SHPK: variants seen among roughly 807,000 people sequenced by gnomAD.
SHPK encodes carbohydrate kinase-like protein.
In SHPK, 51 loss-of-function variants were observed where a neutral mutation model predicts 46.3. That is an observed-to-expected ratio of 1.10 (90% CI 0.88 to 1.39). The LOEUF (loss-of-function observed/expected upper bound fraction) is 1.39, where lower values mean the gene tolerates loss of function less well. Ranked by LOEUF, SHPK falls within the 40% of genes most tolerant of loss-of-function variation. The probability of loss-of-function intolerance (pLI) is 0.00; values close to 1 mark genes in which losing one functional copy is unlikely to be tolerated. For synonymous variants in SHPK, 290 were observed against 273.9 expected, an observed-to-expected ratio of 1.06 and a Z score of -0.58; for missense variants, 668 against 641.3, an observed-to-expected ratio of 1.04 and a Z score of -0.45.
At chr17:3,626,316 A>C (rs1343846967) in intron 2 of SHPK, among the ~76,000 whole-genome samples, 1 of 152,092 alleles carries the variant, frequency 6.6e-6, no homozygotes, top group Non-Finnish European at 1.5e-5. Context: ...CAATTATAGG[A>C]AATTTTTCTC....
rs529792629 is a variant in SHPK at position 3,616,186 on chromosome 17, C to T, written c.824-649G>A. ...CCTTTCAAGAGGTAGAACCTGATTC[C>T]CCTCCACGTGAGAGTGGGCTGGACT... On this transcript the variant is annotated intron_variant, in intron 5 of 6. Transcript: ENST00000225519. Among the ~76,000 whole-genome samples, 7 of 152,262 alleles carry T rather than the reference C, an allele frequency of 4.6e-5. No homozygotes were observed. The South Asian group carries it at 8.3e-4, about 18-fold the overall frequency.
At chr17:3,629,011 T>C (rs1380882539) in intron 2 of SHPK, among the ~76,000 whole-genome samples, 1 of 152,146 alleles carries the variant, frequency 6.6e-6, no homozygotes. Flanking sequence ...TGCAGGAGCC[T>C]CATCCTTGGG....
intron 5 of SHPK, among the ~76,000 whole-genome samples, chr17:3,616,054 A>G (rs1486927142): frequency 6.6e-6 from 1 of 151,972 alleles, no homozygotes; most frequent in Non-Finnish European, 1.5e-5. Context: ...GGGTTTCACC[A>G]TCTTGGCCAG....
rs1198461849 is a variant in SHPK, at chr17:3,610,938, G to A, written c.1059C>T (p.Arg353=). 1 of 1,613,084 alleles carries A rather than the reference G, an allele frequency of 6.2e-7. No homozygotes were observed. The highest frequency in any genetic ancestry group is 2.2e-5 in the East Asian group (1 of 44,840). ...TCTGCTGCACAGCTGCCTGAATCAT[G>A]CGTGAATACACAGTGGATTCTTCAA... ...LEVEESTVYS[R]MIQAAVQQRD... is the part of the protein sequence containing the mutation. The change falls in exon 7 of 7, where the codon CGC becomes CGT. Residue 353 remains arginine (R), a synonymous_variant. Coordinates refer to ENST00000225519, the MANE Select transcript of SHPK (RefSeq NM_013276.4).
chr17:3,621,530 T>C, intron 4 of SHPK, 118 bp from the exon 5 acceptor site: 1 of 882,632 alleles, frequency 1.1e-6, no homozygotes, highest in South Asian at 1.8e-5. Flanking sequence ...TTCCTTTCCT[T>C]TCCTCCCTCC....
chr17:3,619,213 CTAAGA>C, intron 5 of SHPK: 2 of 537,168 alleles, frequency 3.7e-6, no homozygotes, highest in Admixed American at 3.0e-5. Context: ...TACGTTGCAG[CTAAGA>C]TGTGTGTAAG....
chr17:3,610,517 C>A lies in SHPK; in HGVS notation c.*43G>T, dbSNP rs763193752. The A allele has an allele frequency of 4.5e-6, 7 of 1,541,990 alleles. No homozygotes were observed. Among genetic ancestry groups the A allele is most frequent in the African/African-American group, 4.1e-5 (3 of 73,800 alleles). ...CACAGATGGTGTCAGGAATGTTAAT[C>A]AGGTAAAATTCACAGCAGTCGTTTG... On this transcript the variant is annotated 3_prime_UTR_variant, in exon 7 of 7. Transcript: ENST00000225519.
At chr17:3,620,100 C>G (rs903885400) in intron 5 of SHPK, among the ~76,000 whole-genome samples, 1 of 152,178 alleles carries the variant, frequency 6.6e-6, no homozygotes, top group Non-Finnish European at 1.5e-5. Flanking sequence ...TCCTACAGCA[C>G]AGCTGAGCAG....
intron 2 of SHPK, among the ~76,000 whole-genome samples, chr17:3,626,332 T>C (rs1226411532): frequency 6.6e-6 from 1 of 152,186 alleles, no homozygotes; most frequent in Non-Finnish European, 1.5e-5. Context: ...TTCTCCATTA[T>C]TTCTTCAAAG....
Position 3,636,065 on chromosome 17 carries a change from A to G in SHPK, c.155T>C (p.Val52Ala). ...ARAEAAVESA[V>A]AGPQGREQDV... is the part of the protein sequence containing the mutation. ...GGTCCAACTCACCTGGGGCCCGGCC[A>G]CCGCGCTCTCGACCGCCGCCTCTGC... is the stretch of plus-strand genomic sequence containing the variant. Residue 52 changes from valine (V) to alanine (A), a missense_variant, in exon 1 of 7, where the codon GTG (valine) becomes GCG (alanine). Val to Ala is a moderately conservative substitution (Grantham distance 64). Coordinates refer to ENST00000225519, the MANE Select transcript of SHPK (RefSeq NM_013276.4). The G allele has an allele frequency of 6.4e-7, 1 of 1,571,736 alleles. No homozygotes were observed. The highest frequency in any genetic ancestry group is 8.6e-7 in the Non-Finnish European group (1 of 1,160,942).
In SHPK at chr17:3,609,293, A is replaced by ACAAT. The variant is rs554553030; in HGVS notation, c.*1263_*1266dup. On this transcript the variant is annotated 3_prime_UTR_variant, in exon 7 of 7. Coordinates refer to ENST00000225519, the MANE Select transcript of SHPK (RefSeq NM_013276.4). ...TTTGTAAAATGACATTTATAAAGAG[A>ACAAT]CAATATGTTTCATACCTGTCATGGA... 1.8e-4 allele frequency: 27 copies of ACAAT among 151,352 alleles called. No homozygotes were observed. Among genetic ancestry groups the ACAAT allele is most frequent in the Admixed American group, 1.0e-3 (15 of 15,042 alleles). 9.4% of individuals were successfully genotyped at this position (151,352 alleles called of 1,614,324 possible).
In SHPK at chr17:3,622,496, T is replaced by C. The variant is rs909299; in HGVS notation, c.647+843A>G. The C allele has an allele frequency of 1.1e-3, 789 of 707,630 alleles. 11 individuals are homozygous for C. In the African/African-American group the frequency reaches 0.014, roughly 13 times the overall value. The allele number at this position is 707,630 out of a possible 1,614,324, so 43.8% of individuals were successfully genotyped here. On this transcript the variant is annotated intron_variant, in intron 4 of 6. Transcript: ENST00000225519. ...AAACGTGTTAGTCACTCAGGGTTAG[T>C]GAATGGGAAGCTGTCAACTTCACAC...
chr17:3,624,325 T>A, intron 2 of SHPK, 94 bp from the exon 3 acceptor site: 1 of 1,178,068 alleles, frequency 8.5e-7, no homozygotes, highest in African/African-American at 1.5e-5. Flanking sequence ...TGACAAAATA[T>A]GTGCGAATCG....
At chr17:3,615,220 G>T in intron 6 of SHPK, 117 bp downstream of exon 6, 1 of 924,906 alleles carries the variant, frequency 1.1e-6, no homozygotes, top group South Asian at 1.5e-5. Flanking sequence ...GGACCTGGCA[G>T]GGTCTGAGAC....
chr17:3,635,214 G>A (rs1051467304), intron 1 of SHPK, among the ~76,000 whole-genome samples: 2 of 126,564 alleles, frequency 1.6e-5, no homozygotes, highest in East Asian at 3.2e-4. Context: ...AGGAAGGAAG[G>A]AAGGAAGGAA....
intron 1 of SHPK, among the ~76,000 whole-genome samples, chr17:3,632,494 C>T (rs1018883430): frequency 2.0e-5 from 3 of 151,950 alleles, no homozygotes; most frequent in Non-Finnish European, 4.4e-5. Flanking sequence ...TGAGTGGGTG[C>T]GTGAGTTGTG....
chr17:3,611,445 T>C (rs1323826304), intron 6 of SHPK, among the ~76,000 whole-genome samples: 1 of 152,228 alleles, frequency 6.6e-6, no homozygotes, highest in East Asian at 1.9e-4. Flanking sequence ...GGCAGGCACC[T>C]GTAATCCCAG....
At chr17:3,627,216 G>A (rs1240150885) in intron 2 of SHPK, among the ~76,000 whole-genome samples, 1 of 152,062 alleles carries the variant, frequency 6.6e-6, no homozygotes, top group Non-Finnish European at 1.5e-5. Context: ...TTTTCTCCCT[G>A]TCTGCTGCTC....
In SHPK at chr17:3,610,181, A is replaced by C. The variant is rs1332138123; in HGVS notation, c.*379T>G. On this transcript the variant is annotated 3_prime_UTR_variant, in exon 7 of 7. Coordinates refer to ENST00000225519, the MANE Select transcript of SHPK (RefSeq NM_013276.4). ...GGGCAGTTCTCTTTTCCCACTTGGG[A>C]CCAAAGCCACCAGACTTTCTGGTGT... 3 of 179,766 alleles carry C rather than the reference A, an allele frequency of 1.7e-5. No individual in the cohort carries two copies. Among genetic ancestry groups the C allele is most frequent in the Non-Finnish European group, 3.6e-5 (3 of 84,304 alleles). The allele number at this position is 179,766 out of a possible 1,614,324, so 11.1% of individuals were successfully genotyped here. A position where few individuals can be genotyped will look rare whatever the true frequency, so the allele number is the denominator to read the frequency against.
Sources: gnomAD v4.1 joint callset for allele counts (sites outside exome capture counted in the v4.1 genomes callset) on GRCh38, gnomAD v4.1.1 for gene constraint, MANE v1.5 for transcripts, NCBI Gene and HGNC (gene_info 2026-07-23, HGNC 2026-07-21) for gene names.